CDH10: variants seen among roughly 807,000 people sequenced by gnomAD.
The protein encoded by CDH10 is cadherin-10.
Under a neutral mutation model 73.1 loss-of-function variants are expected in CDH10, and 30 were observed. That is an observed-to-expected ratio of 0.41 (90% CI 0.31 to 0.56). The LOEUF (loss-of-function observed/expected upper bound fraction) is 0.56. Ranked by LOEUF, CDH10 falls within the 20% of genes least tolerant of loss-of-function variation. CDH10 has a pLI of 0.27. For synonymous variants in CDH10, 345 were observed against 348.2 expected, an observed-to-expected ratio of 0.99 and a Z score of 0.10; for missense variants, 815 against 973.7, an observed-to-expected ratio of 0.84 and a Z score of 2.17.
At chr5:24,539,822 T>C (rs543078157) in intron 2 of CDH10, among the ~76,000 whole-genome samples, 2 of 152,206 alleles carry the variant, frequency 1.3e-5, no homozygotes, top group East Asian at 1.9e-4. Flanking sequence ...AAAATGTACA[T>C]AGTTGCTGGG....
Position 24,487,751 on chromosome 5 carries a change from T to A in CDH10, c.2279A>T (p.Gln760Leu), listed in dbSNP as rs765713854. The A allele has an allele frequency of 6.2e-7, 1 of 1,613,988 alleles. No individual in the cohort carries two copies. Among genetic ancestry groups the A allele is most frequent in the Non-Finnish European group, 8.5e-7 (1 of 1,179,948 alleles). ...CCATTCTCGGAGGTAATCGTAGTTT[T>A]GGTCTCCTTCAGTAGTACCTGATTC... ...SLESGTTEGD[Q>L]NYDYLREWGP... Residue 760 changes from glutamine (Q) to leucine (L), a missense_variant, in exon 12 of 12, where the codon CAA becomes CTA. Physicochemically the swap from Gln to Leu is moderately radical, Grantham distance 113. Around this residue, in one of 3 missense-constraint regions of CDH10, gnomAD observed 241 missense variants for 240.3 expected, o/e 1.00. Coordinates refer to ENST00000264463, the MANE Select transcript of CDH10 (RefSeq NM_006727.5).
At chr5:24,562,521 TTATGA>T (rs1744996157) in intron 2 of CDH10, among the ~76,000 whole-genome samples, 1 of 152,152 alleles carries the variant, frequency 6.6e-6, no homozygotes, top group East Asian at 1.9e-4. Flanking sequence ...TCAACTTGTC[TTATGA>T]TATACCCTAC....
intron 2 of CDH10, among the ~76,000 whole-genome samples, chr5:24,548,480 C>CT (rs70965609): frequency 0.12 from 13,098 of 108,632 alleles, 1,551 homozygotes; most frequent in African/African-American, 0.3. Flanking sequence ...CAGTCCTCCT[C>CT]TTTTTTTTTT....
chr5:24,591,884 T>C (rs1400808641), intron 2 of CDH10, among the ~76,000 whole-genome samples: 2 of 151,836 alleles, frequency 1.3e-5, no homozygotes, highest in African/African-American at 2.4e-5. Context: ...TGAAGGGAAA[T>C]AGATGCAAAC....
chr5:24,512,897 T>TG (rs2111775235), intron 5 of CDH10, among the ~76,000 whole-genome samples: 1 of 113,880 alleles, frequency 8.8e-6, no homozygotes, highest in South Asian at 3.1e-4. Context: ...ATTTTGCATT[T>TG]AGTCACTTCC....
At chr5:24,592,872 TG>T in intron 2 of CDH10, among the ~76,000 whole-genome samples, 1 of 151,512 alleles carries the variant, frequency 6.6e-6, no homozygotes, top group South Asian at 2.1e-4. Flanking sequence ...GAAATGTTTT[TG>T]CTTCCTCACT....
intron 1 of CDH10, among the ~76,000 whole-genome samples, chr5:24,594,230 T>C (rs1204909498): frequency 6.6e-6 from 1 of 151,932 alleles, no homozygotes; most frequent in Non-Finnish European, 1.5e-5. Context: ...AAGTAATCAC[T>C]ACTACAGTGA....
intron 10 of CDH10, 119 bp downstream of exon 10, chr5:24,492,698 A>G: frequency 1.7e-6 from 1 of 582,686 alleles, no homozygotes. Flanking sequence ...ACTTGATTAA[A>G]ACAAAATTGT....
chr5:24,541,220 A>G (rs951624933), intron 2 of CDH10, among the ~76,000 whole-genome samples: 3 of 152,030 alleles, frequency 2.0e-5, no homozygotes, highest in African/African-American at 7.2e-5. Flanking sequence ...AACAGACCAA[A>G]GGACAAAGTT....
intron 5 of CDH10, among the ~76,000 whole-genome samples, chr5:24,524,433 A>G (rs553468461): frequency 6.6e-6 from 1 of 152,228 alleles, no homozygotes; most frequent in East Asian, 1.9e-4. Flanking sequence ...GCGTACACTG[A>G]CAAAGGCAAA....
At chr5:24,502,443 C>T (rs566691492) in intron 8 of CDH10, among the ~76,000 whole-genome samples, 3 of 152,132 alleles carry the variant, frequency 2.0e-5, no homozygotes, top group Non-Finnish European at 4.4e-5. Context: ...GTATGACACA[C>T]TGACTGTAAA....
chr5:24,644,451 T>C (rs1748150455), intron 1 of CDH10, 143 bp downstream of exon 1: 1 of 152,080 alleles, frequency 6.6e-6, no homozygotes, highest in African/African-American at 2.4e-5. Flanking sequence ...CTTATTTAAG[T>C]ATTAAAGATA....
intron 1 of CDH10, among the ~76,000 whole-genome samples, chr5:24,634,400 A>G (rs924190243): frequency 6.6e-6 from 1 of 151,852 alleles, no homozygotes; most frequent in Non-Finnish European, 1.5e-5. Flanking sequence ...ATACATTTAG[A>G]TGATCAATTA....
chr5:24,618,330 G>C (rs1344194750), intron 1 of CDH10, among the ~76,000 whole-genome samples: 1 of 152,186 alleles, frequency 6.6e-6, no homozygotes, highest in Non-Finnish European at 1.5e-5. Flanking sequence ...CAACGCTGTT[G>C]CAGAGTAAAT....
chr5:24,621,971 AAAG>A (rs147553141), intron 1 of CDH10, among the ~76,000 whole-genome samples: 1,814 of 152,266 alleles, frequency 0.012, 32 homozygotes, highest in African/African-American at 0.041. Flanking sequence ...TGAGAGAACG[AAAG>A]AAGATGAGGT....
intron 1 of CDH10, among the ~76,000 whole-genome samples, chr5:24,640,050 C>T (rs1193696344): frequency 6.6e-6 from 1 of 151,722 alleles, no homozygotes; most frequent in East Asian, 1.9e-4. Context: ...TTCTAGCCAA[C>T]TGAACTGTCA....
chr5:24,515,449 T>G (rs1170490356), intron 5 of CDH10, among the ~76,000 whole-genome samples: 4 of 152,158 alleles, frequency 2.6e-5, no homozygotes, highest in African/African-American at 7.2e-5. Flanking sequence ...AGTGGACGTA[T>G]AGTGTGGTCA....
intron 2 of CDH10, among the ~76,000 whole-genome samples, chr5:24,583,006 C>T (rs774990033): frequency 3.3e-5 from 5 of 151,932 alleles, no homozygotes; most frequent in Non-Finnish European, 5.9e-5. Context: ...GTCATATTTC[C>T]TAAAGATATA....
intron 1 of CDH10, among the ~76,000 whole-genome samples, chr5:24,629,303 T>C (rs1435476443): frequency 6.6e-6 from 1 of 152,146 alleles, no homozygotes; most frequent in Non-Finnish European, 1.5e-5. Flanking sequence ...TAGTTACAAT[T>C]ATGAATCTAC....
Sources: allele counts gnomAD v4.1 joint callset (sites outside exome capture counted in the v4.1 genomes callset), GRCh38; gene constraint gnomAD v4.1.1; regional missense constraint gnomAD v4.1.1; transcripts MANE v1.5; gene names NCBI Gene and HGNC (gene_info 2026-07-23, HGNC 2026-07-21).